The following SWAP70 variants were observed in gnomAD, a reference collection of about 807,000 sequenced individuals.
SWAP70 encodes the protein switch-associated protein 70.
Under a neutral mutation model 80.2 loss-of-function variants are expected in SWAP70, and 34 were observed. That is an observed-to-expected ratio of 0.42 (90% CI 0.32 to 0.56). The LOEUF is 0.56. SWAP70 is among the 20% of genes least tolerant of loss of function. The pLI is 0.09. For missense variants in SWAP70, 578 were observed against 690.7 expected (o/e 0.84, Z 1.83); for synonymous variants, 239 against 238.5 (o/e 1.00, Z -0.02).
Position 9,750,129 on chromosome 11 carries a change from G to C in SWAP70, c.*159G>C. 1 of 464,160 alleles carries C rather than the reference G, an allele frequency of 2.2e-6. No individual in the cohort carries two copies. Among genetic ancestry groups the C allele is most frequent in the Non-Finnish European group, 3.9e-6 (1 of 253,768 alleles). 28.8% of individuals were successfully genotyped at this position (464,160 alleles called of 1,614,324 possible). A position where few individuals can be genotyped will look rare whatever the true frequency, so the allele number is the denominator to read the frequency against. On this transcript the variant is annotated 3_prime_UTR_variant, in exon 12 of 12. Coordinates refer to ENST00000318950, the MANE Select transcript of SWAP70 (RefSeq NM_015055.4). ...GAGGCGGGTGGATCACCTGAGGTCA[G>C]GAGTTCAAGAGCAGCCTGGCCAACC...
rs143910520 is a variant in SWAP70, at chr11:9,697,974, C to T, written c.240+3688C>T. On this transcript the variant is annotated intron_variant, in intron 2 of 11. Transcript: ENST00000318950. Reference sequence around the variant, plus strand: ...TAAGTTTTAACATTTTTTATAGAGACGGGATCTCACTATGTTGCCCAGACT... The same window carrying T: ...TAAGTTTTAACATTTTTTATAGAGATGGGATCTCACTATGTTGCCCAGACT... 1.8e-4 allele frequency among the ~76,000 whole-genome samples: 27 copies of T among 151,858 alleles called. No individual in the cohort carries two copies. The Middle Eastern group carries it at 0.01, about 57-fold the overall frequency.
At chr11:9,729,283 A>T in intron 5 of SWAP70, 60 bp from the exon 6 acceptor site, 2 of 1,032,990 alleles carry the variant, frequency 1.9e-6, no homozygotes, top group Non-Finnish European at 2.9e-6. Context: ...TAAATAATTC[A>T]AATTGAATTT....
rs193204473 is a variant in SWAP70 at position 9,725,605 on chromosome 11, C to T, written c.642+720C>T. Among the ~76,000 whole-genome samples, 66 of 130,664 alleles carry T rather than the reference C, an allele frequency of 5.1e-4. 1 individual carries two copies. The East Asian group carries it at 0.01, about 20-fold the overall frequency. The allele number at this position is 130,664 out of a possible 152,430, so 85.7% of individuals were successfully genotyped here. ...TTTTTTTTTCCAAGACGGAATTTCA[C>T]GCTGTCACCAGGCTGGAGTGCAGTG... On this transcript the variant is annotated intron_variant, in intron 4 of 11. Transcript: ENST00000318950.
intron 1 of SWAP70, among the ~76,000 whole-genome samples, chr11:9,687,089 T>C (rs1319405750): frequency 6.6e-6 from 1 of 152,244 alleles, no homozygotes; most frequent in African/African-American, 2.4e-5. Flanking sequence ...TGCCTATTTT[T>C]GAAGTAAAAG....
intron 1 of SWAP70, among the ~76,000 whole-genome samples, chr11:9,671,733 TG>T (rs1692160340): frequency 2.8e-5 from 2 of 71,896 alleles, no homozygotes; most frequent in African/African-American, 9.2e-5. Flanking sequence ...TATATTTCTA[TG>T]TATACATAGA....
intron 9 of SWAP70, among the ~76,000 whole-genome samples, chr11:9,745,892 A>C (rs553719050): frequency 2.0e-5 from 3 of 152,352 alleles, no homozygotes; most frequent in African/African-American, 7.2e-5. Context: ...ATAGTTTGCC[A>C]GTTCCACAGA....
intron 10 of SWAP70, 131 bp from the exon 11 acceptor site, chr11:9,748,956 C>A: frequency 2.3e-6 from 1 of 444,374 alleles, no homozygotes; most frequent in Non-Finnish European, 4.0e-6. Context: ...TAGTAGTTCC[C>A]ACTTCTTAGA....
chr11:9,714,842 C>T (rs1016342174), intron 3 of SWAP70, among the ~76,000 whole-genome samples: 11 of 135,620 alleles, frequency 8.1e-5, no homozygotes, highest in South Asian at 4.7e-4. Flanking sequence ...GACAGAGTTT[C>T]GCTCTTATTG....
chr11:9,678,739 T>C (rs1171003310), intron 1 of SWAP70, among the ~76,000 whole-genome samples: 1 of 152,028 alleles, frequency 6.6e-6, no homozygotes, highest in Non-Finnish European at 1.5e-5. Flanking sequence ...GTACTCAGCA[T>C]GCCATCACTC....
chr11:9,740,929 C>T (rs1851429413), intron 9 of SWAP70: 1 of 155,514 alleles, frequency 6.4e-6, no homozygotes, highest in Non-Finnish European at 1.4e-5. Flanking sequence ...TTTGGGCCTT[C>T]ATGGCAGCAG....
Position 9,729,471 on chromosome 11 carries a change from T to C in SWAP70, c.898+20T>C. The C allele has an allele frequency of 1.3e-6, 2 of 1,528,800 alleles. No individual in the cohort carries two copies. Among genetic ancestry groups the C allele is most frequent in the Non-Finnish European group, 1.8e-6 (2 of 1,107,192 alleles). 94.7% of individuals were successfully genotyped at this position (1,528,800 alleles called of 1,614,324 possible). A position where few individuals can be genotyped will look rare whatever the true frequency, so the allele number is the denominator to read the frequency against. The stretch of plus-strand genomic sequence containing the variant: ...TTCAAGGTAAGGTGATTTTTTATTA[T>C]TTGCCATGATATAACTTGAAAGCTC... On this transcript the variant is annotated intron_variant, in intron 6 of 11. Coordinates refer to ENST00000318950, the MANE Select transcript of SWAP70 (RefSeq NM_015055.4).
chr11:9,748,166 C>T, intron 10 of SWAP70, 110 bp downstream of exon 10: 1 of 1,178,274 alleles, frequency 8.5e-7, no homozygotes, highest in Non-Finnish European at 1.2e-6. Flanking sequence ...AAGAATCTTG[C>T]TTAGCTGTAA....
intron 2 of SWAP70, among the ~76,000 whole-genome samples, chr11:9,694,509 C>T (rs1477733339): frequency 1.3e-5 from 2 of 152,110 alleles, no homozygotes; most frequent in Non-Finnish European, 2.9e-5. Flanking sequence ...TTGGTTCATT[C>T]TTTGAAATTA....
intron 1 of SWAP70, among the ~76,000 whole-genome samples, chr11:9,671,552 A>C (rs1565109492): frequency 7.7e-5 from 5 of 65,128 alleles, no homozygotes; most frequent in Non-Finnish European, 1.6e-4. Context: ...ATATATAGAA[A>C]TATATATAAA....
intron 4 of SWAP70, among the ~76,000 whole-genome samples, chr11:9,727,117 G>T (rs540624308): frequency 6.6e-6 from 1 of 152,188 alleles, no homozygotes; most frequent in Non-Finnish European, 1.5e-5. Context: ...TTGGCTGGAC[G>T]TGGTGGCTCA....
intron 4 of SWAP70, among the ~76,000 whole-genome samples, chr11:9,725,436 C>T (rs1851196789): frequency 6.8e-6 from 1 of 146,062 alleles, no homozygotes; most frequent in African/African-American, 2.5e-5. Context: ...GTAATCCCAG[C>T]ACTTTGGGAG....
chr11:9,749,951 A>G lies in SWAP70; in HGVS notation c.1739A>G (p.Glu580Gly). 3.7e-6 allele frequency: 6 copies of G among 1,613,644 alleles called. No homozygotes were observed. Among genetic ancestry groups the G allele is most frequent in the Non-Finnish European group, 5.1e-6 (6 of 1,179,584 alleles). ...GAAGAGAGAGAGAAGAACTGGAAAGAGAAAAAGACCACGGAGTGACTGAGC... is the reference window on the plus strand; with the variant it reads ...GAAGAGAGAGAGAAGAACTGGAAAGGGAAAAAGACCACGGAGTGACTGAGC... ...ELEEREKNWK[E>G]KKTTE The change falls in exon 12 of 12, where the codon GAG becomes GGG. Residue 580 changes from glutamate (E) to glycine (G), a missense_variant. Physicochemically the swap from Glu to Gly is moderately conservative, Grantham distance 98. Transcript: ENST00000318950.
At chr11:9,729,486 C>G (rs1156841204) in intron 6 of SWAP70, 35 bp downstream of exon 6, 1 of 1,456,282 alleles carries the variant, frequency 6.9e-7, no homozygotes, top group Non-Finnish European at 9.6e-7. Flanking sequence ...CATGATATAA[C>G]TTGAAAGCTC....
Position 9,749,196 on chromosome 11 carries a change from A to C in SWAP70, c.1651+13A>C, listed in dbSNP as rs775939321. ...CTGATAGAACCAGGTAACAGACTCT[A>C]TGAAGTAATCATATATTTATTTTTA... On this transcript the variant is annotated intron_variant, in intron 11 of 11. Coordinates refer to ENST00000318950, the MANE Select transcript of SWAP70 (RefSeq NM_015055.4). The C allele has an allele frequency of 2.1e-6, 3 of 1,408,442 alleles. No homozygotes were observed. The highest frequency in any genetic ancestry group is 2.9e-6 in the Non-Finnish European group (3 of 1,044,946). 87.2% of individuals were successfully genotyped at this position (1,408,442 alleles called of 1,614,324 possible).
Sources: allele counts gnomAD v4.1 joint callset (sites outside exome capture counted in the v4.1 genomes callset), GRCh38; gene constraint gnomAD v4.1.1; transcripts MANE v1.5; gene names NCBI Gene and HGNC (gene_info 2026-07-23, HGNC 2026-07-21).